Variants in CDH5 observed in about 807,000 individuals in gnomAD.
CDH5 encodes the protein cadherin-5.
Under a neutral mutation model 62.0 loss-of-function variants are expected in CDH5, and 28 were observed. The observed-to-expected ratio is 0.45, with a 90% CI of 0.33 to 0.62. The LOEUF (loss-of-function observed/expected upper bound fraction) is 0.62. CDH5 is among the 20% of genes least tolerant of loss of function. The pLI is 0.02. For synonymous variants in CDH5, 464 were observed against 445.8 expected, an observed-to-expected ratio of 1.04 and a Z score of -0.52; for missense variants, 940 against 1,065.1, an observed-to-expected ratio of 0.88 and a Z score of 1.63.
Position 66,392,217 on chromosome 16 carries a change from C to T in CDH5, c.1051C>T (p.Pro351Ser), listed in dbSNP as rs762342061. The T allele has an allele frequency of 3.7e-6, 6 of 1,614,120 alleles. No homozygotes were observed. Among genetic ancestry groups the T allele is most frequent in the Admixed American group, 3.3e-5 (2 of 60,018 alleles). The change falls in exon 7 of 12, where the codon CCT becomes TCT. Residue 351 changes from proline (P) to serine (S), a missense_variant. By Grantham distance (74) the Pro-to-Ser change is moderately conservative. Transcript: ENST00000341529. ...DPTIDLRYMS[P>S]PAGNRAQVII... The stretch of plus-strand genomic sequence containing the variant: ...CACCATCGACCTCCGATACATGAGC[C>T]CTCCCGCGGGAAACAGAGCCCAGGT...
At chr16:66,396,612 A>G in intron 8 of CDH5, among the ~76,000 whole-genome samples, 1 of 152,040 alleles carries the variant, frequency 6.6e-6, no homozygotes, top group East Asian at 1.9e-4. Flanking sequence ...CTTAGTTATC[A>G]TGGCTGTTTG....
Position 66,400,847 on chromosome 16 carries a change from C to A in CDH5, c.1668C>A (p.Val556=). 1 of 1,614,198 alleles carries A rather than the reference C, an allele frequency of 6.2e-7. No homozygotes were observed. Among genetic ancestry groups the A allele is most frequent in the South Asian group, 1.1e-5 (1 of 91,068 alleles). ...EHTKVHFLPV[V]ISDNGMPSRT... is the part of the protein sequence containing the mutation. ...CCAAGGTCCACTTCCTACCCGTGGT[C>A]ATCTCAGACAATGGGATGCCAAGTC... Residue 556 remains valine (V), a synonymous_variant, in exon 11 of 12, where the codon GTC becomes GTA. Transcript: ENST00000341529.
intron 11 of CDH5, 91 bp downstream of exon 11, chr16:66,401,107 G>A: frequency 6.4e-7 from 1 of 1,552,776 alleles, no homozygotes; most frequent in South Asian, 1.1e-5. Context: ...GAAAAGTAGA[G>A]GCCAGAGGTT....
chr16:66,374,424 G>A (rs117309018), intron 1 of CDH5, among the ~76,000 whole-genome samples: 1,545 of 152,334 alleles, frequency 0.01, 10 homozygotes, highest in Non-Finnish European at 0.018. Context: ...GTGACTCTGC[G>A]AGAGCCAGTC....
Position 66,392,252 on chromosome 16 carries a change from C to T in CDH5, c.1086C>T (p.Asn362=), listed in dbSNP as rs1258851751. 1.2e-6 allele frequency: 2 copies of T among 1,614,176 alleles called. No homozygotes were observed. The highest frequency in any genetic ancestry group is 3.3e-4 in the Middle Eastern group (2 of 6,062). ...PAGNRAQVII[N]ITDVDEPPIF... is the part of the protein sequence containing the mutation. ...GAAACAGAGCCCAGGTCATTATCAA[C>T]ATCACAGATGTGGACGAGCCCCCCA... The change falls in exon 7 of 12, where the codon AAC becomes AAT. Residue 362 remains asparagine (N), a synonymous_variant. Transcript: ENST00000341529.
At chr16:66,402,200 G>C (rs938820414) in intron 11 of CDH5, among the ~76,000 whole-genome samples, 3 of 151,510 alleles carry the variant, frequency 2.0e-5, no homozygotes, top group South Asian at 2.1e-4. Context: ...ATAGTAGTTT[G>C]TTCAGTAACT....
chr16:66,398,524 G>A lies in CDH5; in HGVS notation c.1554G>A (p.Leu518=). 1 of 1,597,372 alleles carries A rather than the reference G, an allele frequency of 6.3e-7. No individual in the cohort carries two copies. Among genetic ancestry groups the A allele is most frequent in the Non-Finnish European group, 8.6e-7 (1 of 1,164,660 alleles). The change falls in exon 10 of 12, where the codon TTG becomes TTA. Residue 518 remains leucine, a synonymous_variant. Transcript: ENST00000341529. ...GAAACGTGAAGTTCAAATTCATCTT[G>A]AATACTGAGAACAACTTTACCCTCA... ...TPRNVKFKFI[L]NTENNFTLTD... is the part of the protein sequence containing the mutation.
Position 66,398,092 on chromosome 16 carries a change from G to T in CDH5, c.1471G>T (p.Ala491Ser). 2 of 1,614,222 alleles carry T rather than the reference G, an allele frequency of 1.2e-6. No individual in the cohort carries two copies. Among genetic ancestry groups the T allele is most frequent in the South Asian group, 1.1e-5 (1 of 91,086 alleles). ...CTACCAGCCCAAAGTGTGTGAGAAC[G>T]CTGTCCATGGCCAGGTGAGTCTGGT... ...KPYQPKVCEN[A>S]VHGQLVLQIS... Residue 491 changes from alanine (A) to serine (S), a missense_variant, in exon 9 of 12, where the codon GCT becomes TCT. Coordinates refer to ENST00000341529, the MANE Select transcript of CDH5 (RefSeq NM_001795.5).
chr16:66,391,811 G>GT (rs1567466026), intron 6 of CDH5, among the ~76,000 whole-genome samples: 1 of 152,162 alleles, frequency 6.6e-6, no homozygotes, highest in African/African-American at 2.4e-5. Flanking sequence ...GGACCTGTGG[G>GT]TAGAACCACT....
In CDH5 at chr16:66,388,012, G is replaced by C. The variant is rs559439379; in HGVS notation, c.500-312G>C. The stretch of plus-strand genomic sequence containing the variant: ...CCTTTGGGGGCACCTTTCCAGGAGA[G>C]GGAGAAGCAGCTCATTGCTGTCCTC... On this transcript the variant is annotated intron_variant, in intron 3 of 11. Transcript: ENST00000341529. Among the ~76,000 whole-genome samples, 211 of 152,288 alleles carry C rather than the reference G, an allele frequency of 1.4e-3. 1 individual carries two copies. The highest frequency in any genetic ancestry group is 1.0e-3 in the South Asian group (5 of 4,828).
rs1961356504 is a variant in CDH5 at position 66,404,639 on chromosome 16, G to C, written c.*1470G>C. On this transcript the variant is annotated 3_prime_UTR_variant, in exon 12 of 12. Coordinates refer to ENST00000341529, the MANE Select transcript of CDH5 (RefSeq NM_001795.5). ...TAACAATATTAATTCAGGTTTTTTAGTTGGAAAAACAATTCCTGTAACCTT... is the reference window on the plus strand; with the variant it reads ...TAACAATATTAATTCAGGTTTTTTACTTGGAAAAACAATTCCTGTAACCTT... 6.6e-6 allele frequency: 1 copy of C among 152,546 alleles called. No homozygotes were observed. The highest frequency in any genetic ancestry group is 1.5e-5 in the Non-Finnish European group (1 of 68,034). 9.4% of individuals were successfully genotyped at this position (152,546 alleles called of 1,614,324 possible).
rs1236597966 is a variant in CDH5, at chr16:66,390,351, C to A, written c.782-52C>A. 2.1e-6 allele frequency: 3 copies of A among 1,412,274 alleles called. No homozygotes were observed. In the African/African-American group the frequency reaches 4.3e-5, roughly 20 times the overall value. The allele number at this position is 1,412,274 out of a possible 1,614,324, so 87.5% of individuals were successfully genotyped here. ...TTAGAATAGCTGAAAGAGGCAATCG[C>A]CTTGTCTATCTCATTAACCCAAAGC... On this transcript the variant is annotated intron_variant, in intron 5 of 11. Coordinates refer to ENST00000341529, the MANE Select transcript of CDH5 (RefSeq NM_001795.5).
Position 66,389,399 on chromosome 16 carries a change from C to G in CDH5, c.658C>G (p.Gln220Glu). Residue 220 changes from glutamine to glutamate, a missense_variant, in exon 5 of 12, where the codon CAG (glutamine) becomes GAG (glutamate). Coordinates refer to ENST00000341529, the MANE Select transcript of CDH5 (RefSeq NM_001795.5). The part of the protein sequence containing the change: ...TITKSLDREK[Q>E]ARYEIVVEAR... ...AACGAAAAGCTTGGACCGAGAGAAG[C>G]AGGCCAGGTATGAGATCGTGGTGGA... 1 of 1,613,396 alleles carries G rather than the reference C, an allele frequency of 6.2e-7. No individual in the cohort carries two copies. The highest frequency in any genetic ancestry group is 8.5e-7 in the Non-Finnish European group (1 of 1,179,610).
rs781334287 is a variant in CDH5 at position 66,386,927 on chromosome 16, G to T, written c.329G>T (p.Arg110Leu). 1.2e-6 allele frequency: 2 copies of T among 1,614,206 alleles called. No homozygotes were observed. The highest frequency in any genetic ancestry group is 1.7e-6 in the Non-Finnish European group (2 of 1,180,042). ...GTGTTCGCCATTGAGAGGCTGGACC[G>T]GGAGAATATCTCAGAGTACCACCTC... ...GDVFAIERLDRENISEYHLTA... is the reference protein window; with the variant it reads ...GDVFAIERLDLENISEYHLTA... Residue 110 changes from arginine to leucine, a missense_variant, in exon 3 of 12, where the codon CGG (arginine) becomes CTG (leucine). Arg to Leu is a moderately radical substitution (Grantham distance 102). Transcript: ENST00000341529.
chr16:66,378,931 T>C (rs983252398), intron 1 of CDH5, among the ~76,000 whole-genome samples: 1 of 152,158 alleles, frequency 6.6e-6, no homozygotes, highest in Admixed American at 6.6e-5. Context: ...GGCCACCATA[T>C]ATGGGCGATC....
At chr16:66,376,085 C>T (rs957692195) in intron 1 of CDH5, among the ~76,000 whole-genome samples, 1 of 151,236 alleles carries the variant, frequency 6.6e-6, no homozygotes, top group Non-Finnish European at 1.5e-5. Flanking sequence ...CACTCCAGAA[C>T]AAAACTCTGT....
intron 1 of CDH5, among the ~76,000 whole-genome samples, chr16:66,378,082 C>T (rs992859444): frequency 6.6e-6 from 1 of 152,220 alleles, no homozygotes; most frequent in Non-Finnish European, 1.5e-5. Flanking sequence ...CACCCCTGCT[C>T]TTCTGACAGC....
At chr16:66,375,984 G>A (rs1434048553) in intron 1 of CDH5, among the ~76,000 whole-genome samples, 3 of 152,038 alleles carry the variant, frequency 2.0e-5, no homozygotes, top group South Asian at 2.1e-4. Context: ...GGTGTCACGC[G>A]CCTGTAATCC....
chr16:66,386,864 T>C lies in CDH5; in HGVS notation c.266T>C (p.Val89Ala). Residue 89 changes from valine (V) to alanine (A), a missense_variant, in exon 3 of 12, where the codon GTG becomes GCG. Physicochemically the swap from Val to Ala is moderately conservative, Grantham distance 64. Coordinates refer to ENST00000341529, the MANE Select transcript of CDH5 (RefSeq NM_001795.5). ...NAKYLLKGEY[V>A]GKVFRVDAET... ...AAGTACCTGCTCAAAGGAGAATATGTGGGCAAGGTCTTCCGGGTCGATGCA... is the reference window on the plus strand; with the variant it reads ...AAGTACCTGCTCAAAGGAGAATATGCGGGCAAGGTCTTCCGGGTCGATGCA... 1 of 1,614,110 alleles carries C rather than the reference T, an allele frequency of 6.2e-7. No individual in the cohort carries two copies. Among genetic ancestry groups the C allele is most frequent in the Non-Finnish European group, 8.5e-7 (1 of 1,180,008 alleles).
Sources: allele counts gnomAD v4.1 joint callset (sites outside exome capture counted in the v4.1 genomes callset), GRCh38; gene constraint gnomAD v4.1.1; transcripts MANE v1.5; gene names NCBI Gene and HGNC (gene_info 2026-07-23, HGNC 2026-07-21).